Variants in CRYL1 observed in about 807,000 individuals in gnomAD.
The protein encoded by CRYL1 is crystallin lambda 1, also known as lambda-crystallin homolog.
Under a neutral mutation model 36.6 loss-of-function variants are expected in CRYL1, and 29 were observed. The observed-to-expected ratio is 0.79, with a 90% confidence interval of 0.59 to 1.08. CRYL1 has a LOEUF of 1.08. CRYL1 is among the 50% of genes least tolerant of loss of function. The pLI is 0.00. For synonymous variants in CRYL1, 152 were observed against 151.5 expected (o/e 1.00, Z -0.02); for missense variants, 411 against 407.9 (o/e 1.01, Z -0.06).
At chr13:20,489,766 G>C (rs1312186626) in intron 2 of CRYL1, among the ~76,000 whole-genome samples, 1 of 152,158 alleles carries the variant, frequency 6.6e-6, no homozygotes. Context: ...CAGAATTACA[G>C]TATGATCCAG....
intron 5 of CRYL1, chr13:20,431,096 A>G: frequency 3.0e-6 from 3 of 985,424 alleles, no homozygotes; most frequent in Non-Finnish European, 3.6e-6. Flanking sequence ...ATTTGGCCCA[A>G]CAAGAGAAGC....
At chr13:20,490,781 G>A (rs1390861505) in intron 2 of CRYL1, among the ~76,000 whole-genome samples, 1 of 152,208 alleles carries the variant, frequency 6.6e-6, no homozygotes, top group East Asian at 1.9e-4. Context: ...CATGTGGTCT[G>A]TGCGGTCACC....
At chr13:20,504,299 TTTC>T (rs1276619414) in intron 2 of CRYL1, among the ~76,000 whole-genome samples, 15 of 149,736 alleles carry the variant, frequency 1.0e-4, no homozygotes, top group African/African-American at 3.5e-4. Context: ...TTTCTTTTCT[TTTC>T]TTTTTTTTTT....
Position 20,517,510 on chromosome 13 carries a change from G to A in CRYL1, c.42-4960C>T, listed in dbSNP as rs547100640. ...CTCAGGAGGCTGAGGCAGGAGAATC[G>A]CTTGAACTTGGGAGGCGGAGGTTGC... On this transcript the variant is annotated intron_variant, in intron 1 of 7. Transcript: ENST00000298248. Among the ~76,000 whole-genome samples the A allele has an allele frequency of 5.1e-3, 780 of 152,120 alleles. 5 individuals are homozygous for A. In the Middle Eastern group the frequency reaches 0.058, roughly 11 times the overall value.
intron 5 of CRYL1, among the ~76,000 whole-genome samples, chr13:20,427,621 A>T (rs559332333): frequency 6.6e-6 from 1 of 150,698 alleles, no homozygotes; most frequent in Non-Finnish European, 1.5e-5. Flanking sequence ...CCCCTTTCTT[A>T]GAATGTCTCT....
At chr13:20,427,739 CA>C (rs10650553) in intron 5 of CRYL1, among the ~76,000 whole-genome samples, 22 of 136,178 alleles carry the variant, frequency 1.6e-4, no homozygotes, top group African/African-American at 4.4e-4. Context: ...AGTTGCTCCT[CA>C]AAAAAAAAAA....
At chr13:20,524,230 TTG>T (rs766665652) in intron 1 of CRYL1, among the ~76,000 whole-genome samples, 1 of 152,248 alleles carries the variant, frequency 6.6e-6, no homozygotes, top group East Asian at 1.9e-4. Flanking sequence ...CCTATTAAAA[TTG>T]TGTGTGTGTG....
At chr13:20,450,218 C>T (rs1186963380) in intron 3 of CRYL1, among the ~76,000 whole-genome samples, 2 of 152,116 alleles carry the variant, frequency 1.3e-5, no homozygotes, top group East Asian at 3.8e-4. Context: ...AACCAAACAG[C>T]ATGATATTGA....
chr13:20,507,399 A>G (rs9509258), intron 2 of CRYL1, among the ~76,000 whole-genome samples: 49,029 of 152,070 alleles, frequency 0.32, 8,399 homozygotes, highest in Admixed American at 0.4. Context: ...CATATGACCC[A>G]CAAAGCCTAC....
chr13:20,495,176 A>G (rs2033584009), intron 2 of CRYL1, among the ~76,000 whole-genome samples: 1 of 152,212 alleles, frequency 6.6e-6, no homozygotes, highest in Admixed American at 6.5e-5. Flanking sequence ...AGACGTACAT[A>G]AACACCTAGA....
At chr13:20,469,409 C>G (rs1273431136) in intron 3 of CRYL1, among the ~76,000 whole-genome samples, 3 of 152,286 alleles carry the variant, frequency 2.0e-5, no homozygotes, top group East Asian at 1.9e-4. Flanking sequence ...TACCAGGAAG[C>G]CCTTGAGAAG....
intron 4 of CRYL1, among the ~76,000 whole-genome samples, chr13:20,437,723 G>A (rs1253710745): frequency 6.6e-6 from 1 of 152,212 alleles, no homozygotes; most frequent in Non-Finnish European, 1.5e-5. Flanking sequence ...TGGGCTGGGT[G>A]TGAGGGAGAA....
intron 6 of CRYL1, among the ~76,000 whole-genome samples, chr13:20,410,232 A>G (rs9506480): frequency 0.75 from 104,929 of 140,552 alleles, 39,446 homozygotes; most frequent in Admixed American, 0.82. Context: ...GTCCTCTGTA[A>G]GGACATGGAT....
intron 5 of CRYL1, among the ~76,000 whole-genome samples, chr13:20,428,403 G>A (rs576289725): frequency 5.9e-5 from 9 of 152,144 alleles, no homozygotes; most frequent in African/African-American, 1.2e-4. Context: ...CCACCTGTAC[G>A]TCCTTGATAC....
chr13:20,432,642 C>T (rs9552175), intron 4 of CRYL1, among the ~76,000 whole-genome samples: 81,740 of 151,660 alleles, frequency 0.54, 22,551 homozygotes, highest in Middle Eastern at 0.66. Context: ...TCAAAGCTTC[C>T]TCCCAGCCCA....
At chr13:20,498,432 A>G (rs1479974831) in intron 2 of CRYL1, among the ~76,000 whole-genome samples, 1 of 152,102 alleles carries the variant, frequency 6.6e-6, no homozygotes, top group Non-Finnish European at 1.5e-5. Context: ...CCATATACAC[A>G]CTACACACAC....
At chr13:20,519,598 G>GGAAGA (rs2034059916) in intron 1 of CRYL1, among the ~76,000 whole-genome samples, 2 of 107,960 alleles carry the variant, frequency 1.9e-5, no homozygotes, top group African/African-American at 2.7e-5. Flanking sequence ...CCCCATCTTG[G>GGAAGA]GAAGGGAAGG....
At chr13:20,487,202 G>C (rs1393895585) in intron 3 of CRYL1, among the ~76,000 whole-genome samples, 1 of 151,422 alleles carries the variant, frequency 6.6e-6, no homozygotes, top group Non-Finnish European at 1.5e-5. Context: ...CTTTACAATT[G>C]TTACTGCTAG....
intron 3 of CRYL1, among the ~76,000 whole-genome samples, chr13:20,447,217 C>A (rs1198620559): frequency 6.6e-6 from 1 of 152,192 alleles, no homozygotes; most frequent in Admixed American, 6.5e-5. Context: ...TCAGGACCAA[C>A]AGAGTTTCTT....
Sources: gnomAD v4.1 joint callset for allele counts (sites outside exome capture counted in the v4.1 genomes callset) on GRCh38, gnomAD v4.1.1 for gene constraint, MANE v1.5 for transcripts, NCBI Gene and HGNC (gene_info 2026-07-23, HGNC 2026-07-21) for gene names.